The following SMAD2 variants were observed in gnomAD, a reference collection of about 807,000 sequenced individuals.
SMAD2 encodes SMAD family member 2.
Under a neutral mutation model 64.4 loss-of-function variants are expected in SMAD2, and 8 were observed. The observed-to-expected ratio is 0.12, with a 90% confidence interval of 0.07 to 0.22. SMAD2 has a LOEUF of 0.22. Among genes scored for constraint, SMAD2 ranks in the 10% least tolerant of loss-of-function variants. SMAD2 has a pLI of 1.00. For missense variants in SMAD2, 289 were observed against 561.2 expected (o/e 0.51, Z 4.90); for synonymous variants, 203 against 195.8 (o/e 1.04, Z -0.31).
Position 47,825,547 on chromosome 18 carries a change from T to A in SMAD2, c.*16280A>T, listed in dbSNP as rs142111650. ...AAGCCCTTGCCAAAAGCCAGGGCCA[T>A]GCCCTTGAACTTCCCAGCCTGTAGA... On this transcript the variant is annotated 3_prime_UTR_variant, in exon 11 of 11. Coordinates refer to ENST00000262160, the MANE Select transcript of SMAD2 (RefSeq NM_005901.6). 6.3e-3 allele frequency: 970 copies of A among 153,092 alleles called. 9 individuals carry two copies. Among genetic ancestry groups the A allele is most frequent in the Middle Eastern group, 0.014 (4 of 294 alleles). The allele number at this position is 153,092 out of a possible 1,614,324, so 9.5% of individuals were successfully genotyped here. A position where few individuals can be genotyped will look rare whatever the true frequency, so the allele number is the denominator to read the frequency against.
In SMAD2 at chr18:47,825,005, A is replaced by C. The variant is rs1191561515; in HGVS notation, c.*16822T>G. 2 of 152,178 alleles carry C rather than the reference A, an allele frequency of 1.3e-5. No individual in the cohort carries two copies. Among genetic ancestry groups the C allele is most frequent in the Admixed American group, 1.3e-4 (2 of 15,278 alleles). The allele number at this position is 152,178 out of a possible 1,614,324, so 9.4% of individuals were successfully genotyped here. A position where few individuals can be genotyped will look rare whatever the true frequency, so the allele number is the denominator to read the frequency against. The stretch of plus-strand genomic sequence containing the variant: ...CAAATAAAGACTGGAAAAAATATAC[A>C]CCAGTCGTTTTCTCTGGTTGTTGGA... On this transcript the variant is annotated 3_prime_UTR_variant, in exon 11 of 11. Coordinates refer to ENST00000262160, the MANE Select transcript of SMAD2 (RefSeq NM_005901.6).
intron 6 of SMAD2, among the ~76,000 whole-genome samples, chr18:47,852,176 TTA>T (rs1424201774): frequency 6.6e-6 from 1 of 152,188 alleles, no homozygotes; most frequent in Admixed American, 6.5e-5. Context: ...TGAAAGCTCT[TTA>T]TGTGTATTAG....
chr18:47,902,516 G>A (rs1050125507), intron 1 of SMAD2, among the ~76,000 whole-genome samples: 2 of 152,178 alleles, frequency 1.3e-5, no homozygotes, highest in African/African-American at 2.4e-5. Context: ...GACAGAGATG[G>A]AGAGTTAAGA....
At chr18:47,870,293 C>T (rs2031854429) in intron 3 of SMAD2, among the ~76,000 whole-genome samples, 182 bp downstream of exon 3, 1 of 152,104 alleles carries the variant, frequency 6.6e-6, no homozygotes, top group Non-Finnish European at 1.5e-5. Context: ...TTGATTAAAA[C>T]ATCAGCTGAA....
At chr18:47,928,282 G>C (rs570943775) in intron 1 of SMAD2, among the ~76,000 whole-genome samples, 2 of 152,250 alleles carry the variant, frequency 1.3e-5, no homozygotes, top group South Asian at 4.1e-4. Context: ...CAAGAACAAG[G>C]AAAGACTTTT....
intron 3 of SMAD2, 115 bp downstream of exon 3, chr18:47,870,360 T>C: frequency 1.3e-6 from 1 of 756,824 alleles, no homozygotes; most frequent in Non-Finnish European, 2.4e-6. Flanking sequence ...ATGCCTTATT[T>C]TACATTAAGG....
chr18:47,899,249 A>C (rs1961951121), intron 1 of SMAD2, among the ~76,000 whole-genome samples: 1 of 152,186 alleles, frequency 6.6e-6, no homozygotes, highest in African/African-American at 2.4e-5. Flanking sequence ...TAGTCAAACT[A>C]AATTTGCTGT....
chr18:47,843,993 TA>T (rs1226361869), intron 10 of SMAD2, among the ~76,000 whole-genome samples: 43 of 152,338 alleles, frequency 2.8e-4, no homozygotes, highest in African/African-American at 1.0e-3. Flanking sequence ...GAAATCTTAT[TA>T]GACAATATAA....
chr18:47,837,520 C>G lies in SMAD2; in HGVS notation c.*4307G>C, dbSNP rs1913525536. 4.6e-6 allele frequency: 1 copy of G among 219,156 alleles called. No homozygotes were observed. The highest frequency in any genetic ancestry group is 6.2e-5 in the Admixed American group (1 of 16,206). 13.6% of individuals were successfully genotyped at this position (219,156 alleles called of 1,614,324 possible). A position where few individuals can be genotyped will look rare whatever the true frequency, so the allele number is the denominator to read the frequency against. Reference sequence around the variant, plus strand: ...GAGCTTGCAGTGAACCAAGATCGCACCACTGCACTCCAGGTTGGGCAACAG... The same window carrying G: ...GAGCTTGCAGTGAACCAAGATCGCAGCACTGCACTCCAGGTTGGGCAACAG... On this transcript the variant is annotated 3_prime_UTR_variant, in exon 11 of 11. Transcript: ENST00000262160.
At chr18:47,847,516 A>G (rs1264614090) in intron 8 of SMAD2, among the ~76,000 whole-genome samples, 1 of 152,042 alleles carries the variant, frequency 6.6e-6, no homozygotes, top group Non-Finnish European at 1.5e-5. Flanking sequence ...GTTTATGTGA[A>G]TATTATGGAA....
intron 6 of SMAD2, among the ~76,000 whole-genome samples, chr18:47,859,505 T>C (rs918239493): frequency 2.0e-5 from 3 of 152,146 alleles, no homozygotes; most frequent in African/African-American, 7.2e-5. Context: ...AAATTAGAAA[T>C]TGATGAAGTA....
At chr18:47,847,700 C>CAAAAAAAAA (rs58794971) in intron 8 of SMAD2, among the ~76,000 whole-genome samples, 1 of 111,934 alleles carries the variant, frequency 8.9e-6, no homozygotes. Flanking sequence ...ATTTCCAAAG[C>CAAAAAAAAA]AAAAAAAAAA....
At position 47,832,778 on chromosome 18, in the gene SMAD2, G is replaced by T. The variant is rs1335184448; in HGVS notation, c.*9049C>A. The T allele has an allele frequency of 3.3e-5, 5 of 151,988 alleles. No individual in the cohort carries two copies. Among genetic ancestry groups the T allele is most frequent in the Admixed American group, 6.6e-5 (1 of 15,252 alleles). The allele number at this position is 151,988 out of a possible 1,614,324, so 9.4% of individuals were successfully genotyped here. On this transcript the variant is annotated 3_prime_UTR_variant, in exon 11 of 11. Coordinates refer to ENST00000262160, the MANE Select transcript of SMAD2 (RefSeq NM_005901.6). ...TTTACAGCATAGATCTTATGTATTA[G>T]AGCGCTAATGTAGCATAGGCAAACT...
At chr18:47,908,504 TA>T (rs2033994950) in intron 1 of SMAD2, among the ~76,000 whole-genome samples, 1 of 152,098 alleles carries the variant, frequency 6.6e-6, no homozygotes, top group African/African-American at 2.4e-5. Context: ...TTATAAAGCA[TA>T]AAAGATATGT....
In SMAD2 at chr18:47,815,317, C is replaced by T. The variant is rs1431148861; in HGVS notation, c.*26510G>A. The T allele has an allele frequency of 6.6e-6, 1 of 152,192 alleles. No homozygotes were observed. The highest frequency in any genetic ancestry group is 1.5e-5 in the Non-Finnish European group (1 of 68,038). The allele number at this position is 152,192 out of a possible 1,614,324, so 9.4% of individuals were successfully genotyped here. On this transcript the variant is annotated 3_prime_UTR_variant, in exon 11 of 11. Transcript: ENST00000262160. ...GAGAAATTGATGTGAAATGAAGGAA[C>T]TGTAACTTCTTTTCTGCATGATCTG...
chr18:47,911,465 A>G (rs2034133559), intron 1 of SMAD2, among the ~76,000 whole-genome samples: 1 of 152,216 alleles, frequency 6.6e-6, no homozygotes, highest in Non-Finnish European at 1.5e-5. Context: ...ACTGGCCCCA[A>G]GGCCTCCCTC....
chr18:47,880,227 G>A (rs185934852), intron 2 of SMAD2, among the ~76,000 whole-genome samples: 85 of 152,210 alleles, frequency 5.6e-4, no homozygotes, highest in African/African-American at 1.9e-3. Context: ...TTACCCCCAA[G>A]TCATAAATAT....
chr18:47,828,067 T>C lies in SMAD2; in HGVS notation c.*13760A>G. On this transcript the variant is annotated 3_prime_UTR_variant, in exon 11 of 11. Transcript: ENST00000262160. ...CTGCCCCGCCGCCCCGTCTGGGATGTGAGGAGTGTCTCTGCCCGACCGCCA... is the reference window on the plus strand; with the variant it reads ...CTGCCCCGCCGCCCCGTCTGGGATGCGAGGAGTGTCTCTGCCCGACCGCCA... 6.1e-6 allele frequency: 1 copy of C among 162,702 alleles called. No individual in the cohort carries two copies. Among genetic ancestry groups the C allele is most frequent in the Non-Finnish European group, 1.3e-5 (1 of 78,598 alleles). The allele number at this position is 162,702 out of a possible 1,614,324, so 10.1% of individuals were successfully genotyped here.
intron 1 of SMAD2, among the ~76,000 whole-genome samples, chr18:47,924,522 C>T (rs1020867392): frequency 4.6e-5 from 7 of 151,046 alleles, no homozygotes; most frequent in African/African-American, 2.4e-5. Flanking sequence ...AGAGCAGTCG[C>T]GGGATCTCGG....
Sources: gnomAD v4.1 joint callset for allele counts (sites outside exome capture counted in the v4.1 genomes callset) on GRCh38, gnomAD v4.1.1 for gene constraint, MANE v1.5 for transcripts, NCBI Gene and HGNC (gene_info 2026-07-23, HGNC 2026-07-21) for gene names.